Variants in IQCB1 observed in about 807,000 individuals in gnomAD.
IQCB1 encodes IQ calmodulin-binding motif-containing protein 1.
A neutral mutation model predicts 84.4 loss-of-function variants in IQCB1; 56 were observed. The ratio of observed to expected loss-of-function variants is 0.66; its 90% CI spans 0.54 to 0.83. The LOEUF is 0.83. Ranked by LOEUF, IQCB1 falls within the 40% of genes least tolerant of loss-of-function variation. The pLI is 0.00. For missense variants in IQCB1, 629 were observed against 682.1 expected (o/e 0.92, Z 0.87); for synonymous variants, 210 against 234.8 (o/e 0.89, Z 0.96).
At chr3:121,795,403 A>G (rs1276830874) in intron 10 of IQCB1, 54 bp downstream of exon 10, 7 of 916,014 alleles carry the variant, frequency 7.6e-6, no homozygotes, top group Non-Finnish European at 1.1e-5. Flanking sequence ...TTTCAATTCA[A>G]CTGTACTCTA....
At chr3:121,793,809 T>G (rs538535863) in intron 10 of IQCB1, among the ~76,000 whole-genome samples, 4 of 152,208 alleles carry the variant, frequency 2.6e-5, no homozygotes, top group African/African-American at 9.6e-5. Flanking sequence ...ATTCCATAGA[T>G]ACACTTCTAA....
At chr3:121,829,869 A>T (rs901272295) in intron 2 of IQCB1, among the ~76,000 whole-genome samples, 6 of 152,208 alleles carry the variant, frequency 3.9e-5, no homozygotes, top group Non-Finnish European at 7.3e-5. Context: ...AATGCTCAGA[A>T]ATGTTACATA....
chr3:121,770,161 G>C lies in IQCB1; in HGVS notation c.*184C>G, dbSNP rs1006551888. 3.2e-5 allele frequency: 19 copies of C among 588,674 alleles called. No individual in the cohort carries two copies. Among genetic ancestry groups the C allele is most frequent in the Non-Finnish European group, 5.4e-5 (18 of 330,986 alleles). 36.5% of individuals were successfully genotyped at this position (588,674 alleles called of 1,614,324 possible). On this transcript the variant is annotated 3_prime_UTR_variant, in exon 15 of 15. Transcript: ENST00000310864. Reference sequence around the variant, plus strand: ...GTGTGTGGCTAACGATGAGGATACAGAGAAAAGAAAAAGAAAATTGAGAGA... The same window carrying C: ...GTGTGTGGCTAACGATGAGGATACACAGAAAAGAAAAAGAAAATTGAGAGA...
chr3:121,783,918 T>A (rs1948605074), intron 12 of IQCB1, among the ~76,000 whole-genome samples: 1 of 152,248 alleles, frequency 6.6e-6, no homozygotes, highest in Non-Finnish European at 1.5e-5. Flanking sequence ...CCTTCAAATA[T>A]GTGACAATCT....
At position 121,807,409 on chromosome 3, in the gene IQCB1, T is replaced by A; in HGVS notation, c.522A>T (p.Gln174His). The change falls in exon 7 of 15, where the codon CAA (glutamine) becomes CAT (histidine). Residue 174 changes from glutamine to histidine, a missense_variant. Transcript: ENST00000310864. ...LQSDHFLHLL[Q>H]ADNVQIGSAV... ...CAGATCCTATTTGGACATTGTCAGCTTGCAGTAAATGTAAGAAATGATCAC... is the reference window on the plus strand; with the variant it reads ...CAGATCCTATTTGGACATTGTCAGCATGCAGTAAATGTAAGAAATGATCAC... 6.4e-7 allele frequency: 1 copy of A among 1,570,586 alleles called. No homozygotes were observed. Among genetic ancestry groups the A allele is most frequent in the Non-Finnish European group, 8.8e-7 (1 of 1,141,046 alleles).
chr3:121,795,974 G>A (rs1054893605), intron 9 of IQCB1, among the ~76,000 whole-genome samples: 2 of 152,098 alleles, frequency 1.3e-5, no homozygotes, highest in African/African-American at 4.8e-5. Context: ...GTAAGCTTTT[G>A]ATATGCTATT....
chr3:121,779,084 T>C (rs909321354), intron 13 of IQCB1, among the ~76,000 whole-genome samples: 13 of 152,068 alleles, frequency 8.5e-5, no homozygotes, highest in Middle Eastern at 3.4e-3. Flanking sequence ...AGTATATATA[T>C]AAAAATTTTT....
chr3:121,800,151 C>G (rs1949349174), intron 7 of IQCB1, among the ~76,000 whole-genome samples: 1 of 151,890 alleles, frequency 6.6e-6, no homozygotes, highest in South Asian at 2.1e-4. Context: ...ATTCTAGAAG[C>G]TACATTGCTT....
chr3:121,790,280 C>T, intron 10 of IQCB1, 65 bp from the exon 11 acceptor site: 1 of 1,423,080 alleles, frequency 7.0e-7, no homozygotes, highest in East Asian at 2.3e-5. Context: ...CATAACCTCA[C>T]TAGTAATCAA....
At chr3:121,808,652 G>A (rs1471792219) in intron 6 of IQCB1, among the ~76,000 whole-genome samples, 1 of 151,860 alleles carries the variant, frequency 6.6e-6, no homozygotes, top group African/African-American at 2.4e-5. Context: ...ATTATCATTT[G>A]TCTTTATCTT....
chr3:121,775,002 G>A (rs1948164319), intron 13 of IQCB1, among the ~76,000 whole-genome samples: 1 of 152,112 alleles, frequency 6.6e-6, no homozygotes, highest in African/African-American at 2.4e-5. Context: ...GGTGTGTGGG[G>A]CTTGGGTATG....
chr3:121,793,871 TGAAAGA>T (rs1428079350), intron 10 of IQCB1, among the ~76,000 whole-genome samples: 1 of 152,130 alleles, frequency 6.6e-6, no homozygotes, highest in Non-Finnish European at 1.5e-5. Context: ...ATTTTAATAT[TGAAAGA>T]GAGAGTATAT....
At chr3:121,788,609 C>G (rs985479010) in intron 11 of IQCB1, among the ~76,000 whole-genome samples, 177 bp from the exon 12 acceptor site, 1 of 151,648 alleles carries the variant, frequency 6.6e-6, no homozygotes, top group East Asian at 1.9e-4. Flanking sequence ...CAAAGCTTTC[C>G]CAGATTATGC....
At chr3:121,780,852 CTGTGTGTGTGTATG>C (rs1948443615) in intron 13 of IQCB1, among the ~76,000 whole-genome samples, 1 of 145,658 alleles carries the variant, frequency 6.9e-6, no homozygotes, top group African/African-American at 2.6e-5. Context: ...GTGTGTGTAT[CTGTGTGTGTGTATG>C]TGTGTGTGTG....
chr3:121,804,754 G>C (rs1949543337), intron 7 of IQCB1, among the ~76,000 whole-genome samples: 1 of 152,000 alleles, frequency 6.6e-6, no homozygotes, highest in South Asian at 2.1e-4. Flanking sequence ...CATGTTTATA[G>C]TTTTCATCAA....
intron 10 of IQCB1, among the ~76,000 whole-genome samples, chr3:121,794,139 T>A (rs199902004): frequency 5.1e-4 from 75 of 148,436 alleles, no homozygotes; most frequent in East Asian, 3.3e-3. Flanking sequence ...GAAATGCTTT[T>A]AAAAAAAAAA....
At chr3:121,792,838 TGTTCAGA>T (rs928520455) in intron 10 of IQCB1, among the ~76,000 whole-genome samples, 1 of 152,196 alleles carries the variant, frequency 6.6e-6, no homozygotes, top group African/African-American at 2.4e-5. Context: ...CGAGTTATTT[TGTTCAGA>T]GTTTCTCTAA....
rs35072741 is a variant in IQCB1 at position 121,809,056 on chromosome 3, C to CT, written c.394-48dup. On this transcript the variant is annotated intron_variant, in intron 5 of 14. Transcript: ENST00000310864. ...AGTTTACTTTTCTATAGTTTTTTTC[C>CT]TTTTTTTTTTTTTTAAGGAGACTTC... is the stretch of plus-strand genomic sequence containing the variant. 200,188 of 854,498 alleles carry CT rather than the reference C, an allele frequency of 0.23. 917 individuals carry two copies. The highest frequency in any genetic ancestry group is 0.3 in the South Asian group (17,294 of 58,076). The allele number at this position is 854,498 out of a possible 1,614,324, so 52.9% of individuals were successfully genotyped here.
chr3:121,802,413 T>G (rs929494448), intron 7 of IQCB1, among the ~76,000 whole-genome samples: 1 of 152,158 alleles, frequency 6.6e-6, no homozygotes, highest in African/African-American at 2.4e-5. Context: ...TTGTTAAATT[T>G]ATAAGCATAA....
Sources: gnomAD v4.1 joint callset for allele counts (sites outside exome capture counted in the v4.1 genomes callset) on GRCh38, gnomAD v4.1.1 for gene constraint, MANE v1.5 for transcripts, NCBI Gene and HGNC (gene_info 2026-07-23, HGNC 2026-07-21) for gene names.